ABCA2: variants seen among roughly 807,000 people sequenced by gnomAD.
The protein encoded by ABCA2 is ATP-binding cassette sub-family A member 2.
ABCA2 carries 84 observed loss-of-function variants against 262.8 expected under a neutral mutation model. That is an observed-to-expected ratio of 0.32 (90% CI 0.27 to 0.38). The LOEUF (loss-of-function observed/expected upper bound fraction) is 0.38, where lower values mean the gene tolerates loss of function less well. ABCA2 is among the 10% of genes least tolerant of loss of function. The probability of loss-of-function intolerance (pLI) is 1.00; values close to 1 mark genes in which losing one functional copy is unlikely to be tolerated. For missense variants in ABCA2, 2,662 were observed against 3,405.9 expected (o/e 0.78, Z 5.44); for synonymous variants, 1,696 against 1,502.9 (o/e 1.13, Z -2.97).
At chr9:137,015,933 C>CA in intron 22 of ABCA2, 29 bp downstream of exon 22, 1 of 1,500,314 alleles carries the variant, frequency 6.7e-7, no homozygotes, top group African/African-American at 1.4e-5. Context: ...CTCCGCCCAC[C>CA]TGCCCCGCCC....
At position 137,016,978 on chromosome 9, in the gene ABCA2, C is replaced by G; in HGVS notation, c.2700G>C (p.Leu900=). 6.2e-7 allele frequency: 1 copy of G among 1,612,818 alleles called. No homozygotes were observed. The highest frequency in any genetic ancestry group is 1.1e-5 in the South Asian group (1 of 91,086). ...TGCCATAGACCACGGCGTCCACCAT[C>G]AGCATGGTGACAGCCAGGAGCAAGT... ...DFNLLLAVTM[L]MVDAVVYGIL... Residue 900 remains leucine (L), a synonymous_variant, in exon 19 of 49, where the codon CTG becomes CTC. Transcript: ENST00000341511.
intron 1 of ABCA2, chr9:137,027,338 T>G (rs1019337329): frequency 1.3e-5 from 2 of 152,480 alleles, no homozygotes; most frequent in African/African-American, 2.4e-5. Flanking sequence ...GTCCACTGGC[T>G]GCCCAGGCAG....
chr9:137,024,295 C>T, intron 1 of ABCA2, 59 bp from the exon 2 acceptor site: 1 of 1,454,758 alleles, frequency 6.9e-7, no homozygotes, highest in Non-Finnish European at 9.3e-7. Flanking sequence ...AGGCCCTCCC[C>T]AGCCTCCCAT....
At position 137,018,269 on chromosome 9, in the gene ABCA2, C is replaced by G; in HGVS notation, c.1902G>C (p.Glu634Asp). Reference sequence around the variant, plus strand: ...AGGCGCGGCGGATCTCGTTGGTTTTCTCGGTGAAGCTGGAGTTCTGGCGGA... The same window carrying G: ...AGGCGCGGCGGATCTCGTTGGTTTTGTCGGTGAAGCTGGAGTTCTGGCGGA... ...YKIRQNSSFTEKTNEIRRAYW... is the reference protein window; with the variant it reads ...YKIRQNSSFTDKTNEIRRAYW... Residue 634 changes from glutamate to aspartate, a missense_variant, in exon 14 of 49, where the codon GAG (glutamate) becomes GAC (aspartate). Around this residue, in one of 12 missense-constraint regions of ABCA2, gnomAD observed 187 missense variants for 205.9 expected, o/e 0.91. Coordinates refer to ENST00000341511, the MANE Select transcript of ABCA2 (RefSeq NM_001606.5). 1 of 1,610,542 alleles carries G rather than the reference C, an allele frequency of 6.2e-7. No individual in the cohort carries two copies. Among genetic ancestry groups the G allele is most frequent in the East Asian group, 2.2e-5 (1 of 44,750 alleles).
upstream of ABCA2, chr9:137,028,853 C>A (rs1347033767): frequency 7.6e-7 from 1 of 1,323,984 alleles, no homozygotes; most frequent in Non-Finnish European, 1.0e-6. The surrounding 1 kb of genome is among the most constrained non-coding windows in gnomAD (Gnocchi z 6.9). Context: ...CTGCTGCACG[C>A]GGCTCGTTTT....
At position 137,016,610 on chromosome 9, in the gene ABCA2, C is replaced by T; in HGVS notation, c.2887G>A (p.Glu963Lys). 6.2e-7 allele frequency: 1 copy of T among 1,612,224 alleles called. No individual in the cohort carries two copies. Among genetic ancestry groups the T allele is most frequent in the Non-Finnish European group, 8.5e-7 (1 of 1,179,890 alleles). The change falls in exon 20 of 49, where the codon GAG (glutamate) becomes AAG (lysine). Residue 963 changes from glutamate to lysine, a missense_variant. By Grantham distance (56) the Glu-to-Lys change is moderately conservative. Coordinates refer to ENST00000341511, the MANE Select transcript of ABCA2 (RefSeq NM_001606.5). ...ARTPRLSVME[E>K]DQACAMESRR... is the part of the protein sequence containing the mutation. ...CTCTCCATGGCACAGGCCTGGTCCT[C>T]CTCCATGACACTGAGGCGGGGGGTG...
At position 137,011,290 on chromosome 9, in the gene ABCA2, C is replaced by G; in HGVS notation, c.5819G>C (p.Ser1940Thr). ...EHDKDLKVVNSYLKSCFLIFP... is the reference protein window; with the variant it reads ...EHDKDLKVVNTYLKSCFLIFP... ...AATGAGGAAGCAGCTTTTCAGGTAA[C>G]TGTTGACAACCTTCAGGTCCTGCGG... The change falls in exon 38 of 49, where the codon AGT becomes ACT. Residue 1940 changes from serine (S) to threonine (T), a missense_variant. By Grantham distance (58) the Ser-to-Thr change is moderately conservative. Around this residue, in one of 12 missense-constraint regions of ABCA2, gnomAD observed 602 missense variants for 897.4 expected, o/e 0.67. Transcript: ENST00000341511. This position sits in a 1 kb window ranked among gnomAD's most constrained non-coding sequence, Gnocchi z 8.8. 6.2e-7 allele frequency: 1 copy of G among 1,612,452 alleles called. No homozygotes were observed. Among genetic ancestry groups the G allele is most frequent in the Non-Finnish European group, 8.5e-7 (1 of 1,179,772 alleles).
chr9:137,021,251 G>C lies in ABCA2; in HGVS notation c.897+141C>G. 9 of 1,291,954 alleles carry C rather than the reference G, an allele frequency of 7.0e-6. No homozygotes were observed. The highest frequency in any genetic ancestry group is 9.4e-6 in the Non-Finnish European group (9 of 957,248). The allele number at this position is 1,291,954 out of a possible 1,614,324, so 80.0% of individuals were successfully genotyped here. ...TGAGCAGGAGTGGGGCACCAGCCAT[G>C]GTGCCATTGGATACCCACCCACAGG... On this transcript the variant is annotated intron_variant, in intron 8 of 48. Transcript: ENST00000341511. This position sits in a 1 kb window ranked among gnomAD's most constrained non-coding sequence, Gnocchi z 6.0.
At position 137,018,236 on chromosome 9, in the gene ABCA2, C is replaced by A. The variant is rs1306099339; in HGVS notation, c.1935G>T (p.Arg645=). The part of the protein sequence containing the change: ...KTNEIRRAYW[R]PGPNTGGRFY... ...AGCGGCCGCCAGTATTGGGCCCAGG[C>A]CGCCAGTAGGCGCGGCGGATCTCGT... The change falls in exon 14 of 49, where the codon CGG becomes CGT. Residue 645 remains arginine (R), a synonymous_variant. Transcript: ENST00000341511. 2 of 1,611,018 alleles carry A rather than the reference C, an allele frequency of 1.2e-6. No homozygotes were observed. Among genetic ancestry groups the A allele is most frequent in the South Asian group, 2.2e-5 (2 of 90,974 alleles).
At chr9:137,009,685 C>T (rs1158303830) in intron 43 of ABCA2, 41 bp from the exon 44 acceptor site, 2 of 1,612,168 alleles carry the variant, frequency 1.2e-6, no homozygotes, top group African/African-American at 2.7e-5. Flanking sequence ...CAGGCCCACA[C>T]ACCCCAGCCT....
At chr9:137,026,703 C>T (rs1483470888) in intron 1 of ABCA2, among the ~76,000 whole-genome samples, 1 of 152,232 alleles carries the variant, frequency 6.6e-6, no homozygotes, top group African/African-American at 2.4e-5. Flanking sequence ...CTTCCCTGAG[C>T]ATTGTCCCCA....
rs1338416912 is a variant in ABCA2, at chr9:137,014,980, C to T, written c.3815G>A (p.Ser1272Asn). ...VASCLLVSDT[S>N]TELSYILPSE... ...GGGCAGGATGTAGGAGAGCTCCGTG[C>T]TTGTGTCTGAGACCAGCAGGCAGGA... The change falls in exon 25 of 49, where the codon AGC becomes AAC. Residue 1272 changes from serine (S) to asparagine (N), a missense_variant. Ser to Asn is a conservative substitution (Grantham distance 46). Around this residue, in one of 12 missense-constraint regions of ABCA2, gnomAD observed 297 missense variants for 286.5 expected, o/e 1.04. Transcript: ENST00000341511. 1 of 1,584,158 alleles carries T rather than the reference C, an allele frequency of 6.3e-7. No individual in the cohort carries two copies. Among genetic ancestry groups the T allele is most frequent in the South Asian group, 1.2e-5 (1 of 86,510 alleles).
In ABCA2 at chr9:137,020,328, C is replaced by T; in HGVS notation, c.1425+8G>A. ...CTGTCAAACATGGAGCGTCCCAGAC[C>T]CGTGCACCTTGAGGATGACGCGGTC... On this transcript the variant is annotated splice_region_variant and intron_variant, in intron 10 of 48. Transcript: ENST00000341511. 1 of 1,611,866 alleles carries T rather than the reference C, an allele frequency of 6.2e-7. No individual in the cohort carries two copies. Among genetic ancestry groups the T allele is most frequent in the Non-Finnish European group, 8.5e-7 (1 of 1,179,952 alleles).
chr9:137,015,662 G>A lies in ABCA2; in HGVS notation c.3514+13C>T, dbSNP rs760970641. ...CGCCGCCCGCACCCCTGCCCACACG[G>A]CACCCCACTCACCTGGCTTGTACTT... On this transcript the variant is annotated intron_variant, in intron 23 of 48. Transcript: ENST00000341511. 3 of 1,609,242 alleles carry A rather than the reference G, an allele frequency of 1.9e-6. No individual in the cohort carries two copies. Among genetic ancestry groups the A allele is most frequent in the Admixed American group, 1.7e-5 (1 of 59,420 alleles).
rs1238043852 is a variant in ABCA2, at chr9:137,008,246, G to A, written c.7275+170C>T. The A allele has an allele frequency of 2.5e-5, 22 of 868,740 alleles. No individual in the cohort carries two copies. The East Asian group carries it at 4.5e-4, about 18-fold the overall frequency. The allele number at this position is 868,740 out of a possible 1,614,324, so 53.8% of individuals were successfully genotyped here. On this transcript the variant is annotated intron_variant, in intron 48 of 48. Coordinates refer to ENST00000341511, the MANE Select transcript of ABCA2 (RefSeq NM_001606.5). ...TAGCAAGTCTGGACCATGCAGTTACGTCTCTCCAGGCCTATCTGCAAGTGT... is the reference window on the plus strand; with the variant it reads ...TAGCAAGTCTGGACCATGCAGTTACATCTCTCCAGGCCTATCTGCAAGTGT...
In ABCA2 at chr9:137,020,810, A is replaced by G. The variant is rs890991270; in HGVS notation, c.1149T>C (p.Ala383=). The change falls in exon 9 of 49, where the codon GCT becomes GCC. Residue 383 remains alanine (A), a synonymous_variant. Transcript: ENST00000341511. ...AGAVMGPNAT[A]EEGAPSAAAL... ...CTGCAGCAGAGGGTGCGCCCTCCTC[A>G]GCGGTGGCGTTGGGGCCCATGACTG... The G allele has an allele frequency of 1.0e-5, 16 of 1,571,328 alleles. No individual in the cohort carries two copies. In the African/African-American group the frequency reaches 2.0e-4, roughly 20 times the overall value.
chr9:137,015,588 T>C lies in ABCA2; in HGVS notation c.3523A>G (p.Ile1175Val). Residue 1175 changes from isoleucine to valine, a missense_variant, in exon 24 of 49, where the codon ATC becomes GTC. Around this residue, in one of 12 missense-constraint regions of ABCA2, gnomAD observed 180 missense variants for 307.3 expected, o/e 0.59. Transcript: ENST00000341511. ...TCCATGTGGTGGGTGGACAGAAGGA[T>C]GGTGCGGCCTAGGACAAGGCCAGAC... ...LILKYKPGRT[I>V]LLSTHHMDEA... 1.9e-6 allele frequency: 3 copies of C among 1,612,332 alleles called. No individual in the cohort carries two copies. Among genetic ancestry groups the C allele is most frequent in the East Asian group, 2.2e-5 (1 of 44,858 alleles).
rs565755378 is a variant in ABCA2 at position 137,024,334 on chromosome 9, G to T, written c.67-98C>A. 5 of 1,063,010 alleles carry T rather than the reference G, an allele frequency of 4.7e-6. No homozygotes were observed. In the African/African-American group the frequency reaches 4.8e-5, roughly 10 times the overall value. The allele number at this position is 1,063,010 out of a possible 1,614,324, so 65.8% of individuals were successfully genotyped here. A position where few individuals can be genotyped will look rare whatever the true frequency, so the allele number is the denominator to read the frequency against. ...GCTGGCCCAGCCCAGACAGGACCAC[G>T]TGCTCCCTGGGGCCAGGGAAGGTGG... On this transcript the variant is annotated intron_variant, in intron 1 of 48. Coordinates refer to ENST00000341511, the MANE Select transcript of ABCA2 (RefSeq NM_001606.5).
intron 3 of ABCA2, 119 bp from the exon 4 acceptor site, chr9:137,023,171 G>T: frequency 1.2e-6 from 1 of 841,100 alleles, no homozygotes; most frequent in Non-Finnish European, 1.9e-6. Flanking sequence ...TCAGGAAGGA[G>T]AAGCAGCGTT....
Sources: gnomAD v4.1 joint callset for allele counts (sites outside exome capture counted in the v4.1 genomes callset) on GRCh38, gnomAD v4.1.1 for gene constraint, gnomAD v4.1.1 regional missense constraint, Gnocchi (gnomAD v3.1) non-coding constraint, MANE v1.5 for transcripts, NCBI Gene and HGNC (gene_info 2026-07-23, HGNC 2026-07-21) for gene names.